Variants in RNLS observed in about 807,000 individuals in gnomAD.
The protein encoded by RNLS is renalase, FAD dependent amine oxidase, also known as renalase.
Under a neutral mutation model 39.8 loss-of-function variants are expected in RNLS, and 39 were observed. That is an observed-to-expected ratio of 0.98 (90% CI 0.76 to 1.28). The LOEUF (loss-of-function observed/expected upper bound fraction) is 1.28, where lower values mean the gene tolerates loss of function less well. RNLS is among the 50% of genes most tolerant of loss of function. RNLS has a pLI of 0.00. For missense variants in RNLS, 410 were observed against 413.3 expected (o/e 0.99, Z 0.07); for synonymous variants, 147 against 150.7 (o/e 0.98, Z 0.18).
the RNLS span, among the ~76,000 whole-genome samples, chr10:88,213,221 T>C: frequency 1.3e-5 from 2 of 152,090 alleles, 1 homozygote; most frequent in South Asian, 4.1e-4. Context: ...TTAAAAATAA[T>C]TTGGGGGGCA....
At chr10:88,574,465 C>T (rs1001776134) in intron 3 of RNLS, among the ~76,000 whole-genome samples, 2 of 152,166 alleles carry the variant, frequency 1.3e-5, no homozygotes, top group African/African-American at 4.8e-5. Flanking sequence ...ACCATCACTG[C>T]CTTTAGTACT....
At chr10:88,439,148 G>A (rs1342366055) in intron 4 of RNLS, among the ~76,000 whole-genome samples, 1 of 151,996 alleles carries the variant, frequency 6.6e-6, no homozygotes, top group Non-Finnish European at 1.5e-5. Flanking sequence ...AACCTTAAAA[G>A]CACAACACTA....
At chr10:88,550,795 C>T (rs1250952376) in intron 4 of RNLS, among the ~76,000 whole-genome samples, 1 of 152,058 alleles carries the variant, frequency 6.6e-6, no homozygotes, top group Non-Finnish European at 1.5e-5. Flanking sequence ...CACACATATG[C>T]CTGCCTCTTC....
chr10:88,570,873 T>C (rs1849778439), intron 4 of RNLS, among the ~76,000 whole-genome samples: 2 of 152,094 alleles, frequency 1.3e-5, no homozygotes, highest in South Asian at 4.1e-4. Context: ...ATCCTGGAGA[T>C]CCCCTGTATA....
chr10:88,252,325 C>A, the RNLS span, among the ~76,000 whole-genome samples: 1 of 152,200 alleles, frequency 6.6e-6, no homozygotes, highest in Admixed American at 6.5e-5. Context: ...TCTAAGCCGT[C>A]AATCAGAAAG....
At chr10:88,365,484 C>A (rs1589658485) in intron 4 of RNLS, among the ~76,000 whole-genome samples, 1 of 149,640 alleles carries the variant, frequency 6.7e-6, no homozygotes. Context: ...TGGCTGTCAT[C>A]CTCATTTAAT....
intron 4 of RNLS, among the ~76,000 whole-genome samples, chr10:88,565,337 TAATC>T (rs1448628306): frequency 6.6e-6 from 1 of 152,124 alleles, no homozygotes; most frequent in African/African-American, 2.4e-5. Flanking sequence ...AGACGTCTAA[TAATC>T]AAATAAGAGC....
At chr10:88,287,174 A>G (rs1843332247) in intron 6 of RNLS, among the ~76,000 whole-genome samples, 1 of 152,100 alleles carries the variant, frequency 6.6e-6, no homozygotes, top group Non-Finnish European at 1.5e-5. Flanking sequence ...TTTAAAAGAG[A>G]TGGTACTATT....
rs1721314349 is a variant in RNLS at position 88,343,598 on chromosome 10, AATTTTCCTCT to A, written c.700+18944_700+18953del. On this transcript the variant is annotated intron_variant, in intron 5 of 6. Coordinates refer to ENST00000331772, the MANE Select transcript of RNLS (RefSeq NM_001031709.3). The stretch of plus-strand genomic sequence containing the variant: ...TCTACTTTCTGTCCAGGGCTGGGAT[AATTTTCCTCT>A]ATTTTCCTTGTATTCGTTCCTTTAA... 8.1e-6 allele frequency: 8 copies of A among 985,142 alleles called. No homozygotes were observed. The South Asian group carries it at 1.9e-4, about 23-fold the overall frequency. The allele number at this position is 985,142 out of a possible 1,614,324, so 61.0% of individuals were successfully genotyped here.
At chr10:88,527,920 G>C (rs534463920) in intron 4 of RNLS, among the ~76,000 whole-genome samples, 1 of 150,704 alleles carries the variant, frequency 6.6e-6, no homozygotes, top group South Asian at 2.1e-4. Context: ...AAATAAGAAA[G>C]GACACTACAA....
chr10:88,452,711 G>A (rs755301962), intron 4 of RNLS, among the ~76,000 whole-genome samples: 10 of 152,204 alleles, frequency 6.6e-5, no homozygotes, highest in Middle Eastern at 3.4e-3. Context: ...ACCCCGTCAT[G>A]TCATGTTGCT....
intron 5 of RNLS, among the ~76,000 whole-genome samples, chr10:88,325,896 T>A (rs1210624587): frequency 6.6e-6 from 1 of 152,130 alleles, no homozygotes; most frequent in African/African-American, 2.4e-5. Flanking sequence ...GAGTGACTTC[T>A]CATGAGATCT....
At position 88,572,954 on chromosome 10, in the gene RNLS, GAAC is replaced by G; in HGVS notation, c.472_474del (p.Val158del). On this transcript the variant is annotated inframe_deletion, in exon 4 of 7. Transcript: ENST00000331772. ...AGAATCTCAGGAACTGGCATTGTGA[GAAC>G]AATAAGATCAAACTGCTCAGGGGAG... The G allele has an allele frequency of 6.2e-7, 1 of 1,614,020 alleles. No homozygotes were observed. The highest frequency in any genetic ancestry group is 1.6e-4 in the Middle Eastern group (1 of 6,062).
At chr10:88,256,542 G>A in the RNLS span, among the ~76,000 whole-genome samples, 1 of 152,228 alleles carries the variant, frequency 6.6e-6, no homozygotes, top group Non-Finnish European at 1.5e-5. Context: ...TATGGGCGAA[G>A]GAACTTTTTC....
downstream of RNLS, among the ~76,000 whole-genome samples, chr10:88,282,142 T>A (rs1026107821): frequency 6.6e-6 from 1 of 152,118 alleles, no homozygotes; most frequent in Non-Finnish European, 1.5e-5. Flanking sequence ...TAGCCAGTAC[T>A]TACAGAGACT....
intron 5 of RNLS, among the ~76,000 whole-genome samples, chr10:88,347,959 A>G (rs1848420802): frequency 6.6e-6 from 1 of 152,156 alleles, no homozygotes; most frequent in South Asian, 2.1e-4. Context: ...TATAATAGCA[A>G]AAGTAAGTTG....
At chr10:88,276,679 A>G (rs1842825086) in intron 6 of RNLS, among the ~76,000 whole-genome samples, 1 of 152,188 alleles carries the variant, frequency 6.6e-6, no homozygotes, top group African/African-American at 2.4e-5. Context: ...GTATGTCATA[A>G]TAGCAGATGA....
rs1201821245 is a variant in RNLS at position 88,581,667 on chromosome 10, T to A, written c.267A>T (p.Leu89=). ...ELLAYGVLRP[L]SSPIEGMVMK... ...TCACCATTCCTTCAATAGGCGAGCT[T>A]AGAGGCCTCAAAACGCCATAGGCTA... Residue 89 remains leucine, a synonymous_variant, in exon 3 of 7, where the codon CTA becomes CTT. Transcript: ENST00000331772. 1 of 1,598,616 alleles carries A rather than the reference T, an allele frequency of 6.3e-7. No individual in the cohort carries two copies.
intron 4 of RNLS, among the ~76,000 whole-genome samples, chr10:88,387,847 C>T (rs1038975102): frequency 1.5e-4 from 23 of 152,160 alleles, no homozygotes; most frequent in African/African-American, 5.3e-4. Context: ...GGCACGTCAG[C>T]CTGTAGTTTA....
Sources: gnomAD v4.1 joint callset for allele counts (sites outside exome capture counted in the v4.1 genomes callset) on GRCh38, gnomAD v4.1.1 for gene constraint, MANE v1.5 for transcripts, NCBI Gene and HGNC (gene_info 2026-07-23, HGNC 2026-07-21) for gene names.